Variants in AMPH observed in about 807,000 individuals in gnomAD.
AMPH encodes amphiphysin (Stiff-Mann syndrome with breast cancer 128kD autoantigen).
In AMPH, 49 loss-of-function variants were observed where a neutral mutation model predicts 99.1. The ratio of observed to expected loss-of-function variants is 0.49; its 90% confidence interval spans 0.39 to 0.63. The LOEUF is 0.63. Ranked by LOEUF, AMPH falls within the 20% of genes least tolerant of loss-of-function variation. The pLI is 0.00. For missense variants in AMPH, 759 were observed against 863.4 expected (o/e 0.88, Z 1.52); for synonymous variants, 314 against 317.3 (o/e 0.99, Z 0.11).
intron 4 of AMPH, among the ~76,000 whole-genome samples, chr7:38,493,823 C>T (rs1301115928): frequency 6.6e-6 from 1 of 152,206 alleles, no homozygotes; most frequent in Non-Finnish European, 1.5e-5. Flanking sequence ...CAACACAAAT[C>T]ACACCATGAT....
chr7:38,605,730 C>T (rs958067047), intron 1 of AMPH, among the ~76,000 whole-genome samples: 1 of 152,064 alleles, frequency 6.6e-6, no homozygotes, highest in Non-Finnish European at 1.5e-5. Flanking sequence ...TGCCCACCAC[C>T]ATGCCCAGCT....
At chr7:38,394,499 C>T (rs1484187716) in intron 17 of AMPH, among the ~76,000 whole-genome samples, 2 of 152,188 alleles carry the variant, frequency 1.3e-5, no homozygotes, top group Non-Finnish European at 2.9e-5. Context: ...AAAGACATGG[C>T]TTTTAAGGTG....
chr7:38,451,945 C>T (rs1194105409), intron 11 of AMPH, among the ~76,000 whole-genome samples: 1 of 152,106 alleles, frequency 6.6e-6, no homozygotes, highest in East Asian at 1.9e-4. Context: ...TGGGTCATAA[C>T]CACGGGGCAT....
intron 1 of AMPH, among the ~76,000 whole-genome samples, chr7:38,611,727 C>G (rs1793686621): frequency 6.6e-6 from 1 of 152,234 alleles, no homozygotes; most frequent in South Asian, 2.1e-4. Context: ...GTTCTACCCA[C>G]TGGCCACAGG....
chr7:38,407,066 ATATATATATATGTGTGTGTGTG>A lies in AMPH; in HGVS notation c.1398+10737_1398+10758del, dbSNP rs1337558525. Among the ~76,000 whole-genome samples, 12 of 23,798 alleles carry A rather than the reference ATATATATATATGTGTGTGTGTG, an allele frequency of 5.0e-4. No individual in the cohort carries two copies. In the South Asian group the frequency reaches 6.4e-3, roughly 13 times the overall value. The allele number at this position is 23,798 out of a possible 152,430, so 15.6% of individuals were successfully genotyped here. A position where few individuals can be genotyped will look rare whatever the true frequency, so the allele number is the denominator to read the frequency against. ...TCTCTCTCTATATATATATATATATATATATATATATGTGTGTGTGTGTGTGTGTGTGTGTGTGTGTGTGTGT... is the reference window on the plus strand; with the variant it reads ...TCTCTCTCTATATATATATATATATATGTGTGTGTGTGTGTGTGTGTGTGT... On this transcript the variant is annotated intron_variant, in intron 17 of 20. Transcript: ENST00000356264.
rs566895083 is a variant in AMPH at position 38,527,366 on chromosome 7, G to A, written c.150+7565C>T. ...TGACAACCAACATGTTTACTGTGTT[G>A]AGGCTTCAAATCCATGAATATAGTA... is the stretch of plus-strand genomic sequence containing the variant. On this transcript the variant is annotated intron_variant, in intron 2 of 20. Coordinates refer to ENST00000356264, the MANE Select transcript of AMPH (RefSeq NM_001635.4). Among the ~76,000 whole-genome samples, 6 of 152,314 alleles carry A rather than the reference G, an allele frequency of 3.9e-5. No individual in the cohort carries two copies. In the South Asian group the frequency reaches 1.2e-3, roughly 32 times the overall value.
rs992835930 is a variant in AMPH, at chr7:38,431,303, C to T, written c.1158+886G>A. 2.6e-5 allele frequency among the ~76,000 whole-genome samples: 4 copies of T among 152,234 alleles called. No individual in the cohort carries two copies. In the East Asian group the frequency reaches 5.8e-4, roughly 22 times the overall value. On this transcript the variant is annotated intron_variant, in intron 13 of 20. Coordinates refer to ENST00000356264, the MANE Select transcript of AMPH (RefSeq NM_001635.4). Reference sequence around the variant, plus strand: ...CTTATTTAAACCTCACACAACCTTCCGAGGTAGGCATCATTACCCTTATTT... The same window carrying T: ...CTTATTTAAACCTCACACAACCTTCTGAGGTAGGCATCATTACCCTTATTT...
intron 1 of AMPH, among the ~76,000 whole-genome samples, chr7:38,581,277 T>TAAGGGTATTGG (rs1792448515): frequency 6.6e-6 from 1 of 151,240 alleles, no homozygotes; most frequent in Admixed American, 6.6e-5. Context: ...AATTGCAATC[T>TAAGGGTATTGG]TAAAATGGGT....
At chr7:38,495,987 G>A (rs987002036) in intron 3 of AMPH, among the ~76,000 whole-genome samples, 2 of 152,226 alleles carry the variant, frequency 1.3e-5, no homozygotes, top group African/African-American at 2.4e-5. Context: ...TTGGAGATGC[G>A]CCTCCGGCAG....
chr7:38,460,854 C>T (rs773850381), intron 11 of AMPH, among the ~76,000 whole-genome samples: 16 of 152,090 alleles, frequency 1.1e-4, no homozygotes, highest in Admixed American at 2.6e-4. Flanking sequence ...CTAGAAGAGA[C>T]GACTTGAAAT....
intron 5 of AMPH, among the ~76,000 whole-genome samples, chr7:38,490,741 T>C (rs1336796139): frequency 1.3e-5 from 2 of 152,120 alleles, no homozygotes; most frequent in Non-Finnish European, 2.9e-5. Context: ...ATAATAAAAG[T>C]TTTGATTATA....
intron 11 of AMPH, among the ~76,000 whole-genome samples, chr7:38,440,595 G>T (rs1340021661): frequency 6.6e-6 from 1 of 152,058 alleles, no homozygotes; most frequent in Admixed American, 6.6e-5. Flanking sequence ...AGTTTAAAAC[G>T]TAGATAAACT....
chr7:38,446,511 A>G (rs536933262), intron 11 of AMPH, among the ~76,000 whole-genome samples: 91 of 152,332 alleles, frequency 6.0e-4, no homozygotes, highest in African/African-American at 2.2e-3. Context: ...CGTAATCCAA[A>G]AACTATGCTT....
chr7:38,527,916 C>T (rs890584480), intron 2 of AMPH, among the ~76,000 whole-genome samples: 1 of 152,172 alleles, frequency 6.6e-6, no homozygotes, highest in Admixed American at 6.5e-5. Flanking sequence ...TGAGGTAATT[C>T]TCTTCTATTC....
intron 17 of AMPH, among the ~76,000 whole-genome samples, chr7:38,402,736 A>G (rs1562729450): frequency 6.6e-6 from 1 of 152,126 alleles, no homozygotes; most frequent in East Asian, 1.9e-4. Context: ...GATGGATGAC[A>G]CTCTCAGATA....
intron 1 of AMPH, among the ~76,000 whole-genome samples, chr7:38,554,851 C>T (rs1429474886): frequency 1.3e-5 from 2 of 152,200 alleles, no homozygotes; most frequent in African/African-American, 2.4e-5. Context: ...ACGGCTAAGC[C>T]AGAGTGAGAA....
At chr7:38,450,805 G>T (rs1220545670) in intron 11 of AMPH, among the ~76,000 whole-genome samples, 1 of 152,034 alleles carries the variant, frequency 6.6e-6, no homozygotes, top group African/African-American at 2.4e-5. Flanking sequence ...AAAAATATTT[G>T]CTCAGGGCCA....
At chr7:38,424,223 T>C (rs1474416792) in intron 15 of AMPH, among the ~76,000 whole-genome samples, 1 of 152,230 alleles carries the variant, frequency 6.6e-6, no homozygotes, top group Non-Finnish European at 1.5e-5. Flanking sequence ...TATCTACCTG[T>C]ACAAGGTTCC....
intron 11 of AMPH, among the ~76,000 whole-genome samples, chr7:38,438,873 G>A (rs1786393628): frequency 6.6e-6 from 1 of 152,198 alleles, no homozygotes; most frequent in South Asian, 2.1e-4. Context: ...AATGGAAATG[G>A]AAGCTAATGT....
Sources: allele counts gnomAD v4.1 joint callset (sites outside exome capture counted in the v4.1 genomes callset), GRCh38; gene constraint gnomAD v4.1.1; transcripts MANE v1.5; gene names NCBI Gene and HGNC (gene_info 2026-07-23, HGNC 2026-07-21).